CSE1L: variants seen among roughly 807,000 people sequenced by gnomAD.
The protein encoded by CSE1L is exportin-2.
CSE1L carries 24 observed loss-of-function variants against 120.4 expected under a neutral mutation model. The ratio of observed to expected loss-of-function variants is 0.20; its 90% CI spans 0.14 to 0.28. CSE1L has a LOEUF of 0.28. Among genes scored for constraint, CSE1L ranks in the 10% least tolerant of loss-of-function variants. CSE1L has a pLI of 1.00. For missense variants in CSE1L, 830 were observed against 1,145.2 expected, an observed-to-expected ratio of 0.72 and a Z score of 3.97; for synonymous variants, 402 against 398.3, an observed-to-expected ratio of 1.01 and a Z score of -0.11.
intron 6 of CSE1L, among the ~76,000 whole-genome samples, chr20:49,067,550 C>T (rs974516748): frequency 3.0e-4 from 46 of 152,140 alleles, no homozygotes; most frequent in African/African-American, 1.1e-3. Flanking sequence ...CATATCATTT[C>T]ACCCAAGTAT....
intron 6 of CSE1L, among the ~76,000 whole-genome samples, chr20:49,068,127 G>A (rs915082014): frequency 1.3e-5 from 2 of 151,816 alleles, no homozygotes; most frequent in Admixed American, 1.3e-4. Flanking sequence ...CAGATGAATT[G>A]TTTAATAAGA....
chr20:49,086,359 C>CT (rs10648977), intron 16 of CSE1L, among the ~76,000 whole-genome samples: 1,368 of 77,582 alleles, frequency 0.018, 93 homozygotes, highest in African/African-American at 0.052. Flanking sequence ...GTTTAATGTC[C>CT]TTTTTTTTTT....
At chr20:49,067,313 T>A in intron 6 of CSE1L, 33 bp downstream of exon 6, 1 of 1,349,728 alleles carries the variant, frequency 7.4e-7, no homozygotes, top group South Asian at 1.2e-5. Flanking sequence ...ATTTTTAAAT[T>A]AATATTTTAA....
At chr20:49,062,666 T>G (rs2091861280) in intron 2 of CSE1L, among the ~76,000 whole-genome samples, 1 of 152,012 alleles carries the variant, frequency 6.6e-6, no homozygotes, top group Non-Finnish European at 1.5e-5. Flanking sequence ...AGTGCCTTGG[T>G]TTTTTAAATG....
At chr20:49,060,954 A>C (rs1268418910) in intron 2 of CSE1L, among the ~76,000 whole-genome samples, 1 of 152,150 alleles carries the variant, frequency 6.6e-6, no homozygotes, top group Non-Finnish European at 1.5e-5. Flanking sequence ...CATGAGGAAG[A>C]GAATGTGTGT....
chr20:49,095,698 CTTA>C (rs774844699), intron 24 of CSE1L, among the ~76,000 whole-genome samples: 22 of 151,974 alleles, frequency 1.4e-4, no homozygotes, highest in Non-Finnish European at 2.6e-4. Context: ...TTTGTCAGCA[CTTA>C]TTATAGAGTT....
In CSE1L at chr20:49,072,304, T is replaced by C. The variant is rs1461943242; in HGVS notation, c.787T>C (p.Leu263=). Reference sequence around the variant, plus strand: ...ATGTGAGGATGAAGAGGAAGCCGGCTTATTGGAGCTCTTAAAATCCCAGAT... The same window carrying C: ...ATGTGAGGATGAAGAGGAAGCCGGCCTATTGGAGCTCTTAAAATCCCAGAT... ...LQTDDEEEAG[L]LELLKSQICD... The change falls in exon 9 of 25, where the codon TTA becomes CTA. Residue 263 remains leucine (L), a synonymous_variant. Transcript: ENST00000262982. The C allele has an allele frequency of 1.2e-6, 2 of 1,614,088 alleles. No individual in the cohort carries two copies. The highest frequency in any genetic ancestry group is 3.3e-5 in the Admixed American group (2 of 60,004).
chr20:49,061,707 G>A (rs995982087), intron 2 of CSE1L, among the ~76,000 whole-genome samples: 15 of 151,554 alleles, frequency 9.9e-5, no homozygotes, highest in Non-Finnish European at 1.3e-4. Context: ...GTTTCACCAG[G>A]TTAGTCAGGA....
In CSE1L at chr20:49,058,543, G is replaced by C; in HGVS notation, c.80G>C (p.Arg27Pro). 6.2e-7 allele frequency: 1 copy of C among 1,612,636 alleles called. No individual in the cohort carries two copies. Among genetic ancestry groups the C allele is most frequent in the Middle Eastern group, 1.7e-4 (1 of 6,056 alleles). The change falls in exon 2 of 25, where the codon CGT becomes CCT. Residue 27 changes from arginine (R) to proline (P), a missense_variant. Coordinates refer to ENST00000262982, the MANE Select transcript of CSE1L (RefSeq NM_001316.4). ...CTTGATCCTGATCCTGCCATCCGACGTCCAGGTAAAGAAAATAAACGTTTT... is the reference window on the plus strand; with the variant it reads ...CTTGATCCTGATCCTGCCATCCGACCTCCAGGTAAAGAAAATAAACGTTTT... Reference protein sequence around the residue: ...KTLDPDPAIRRPAEKFLESVE... With the variant: ...KTLDPDPAIRPPAEKFLESVE...
At chr20:49,081,138 C>T (rs1204648772) in intron 14 of CSE1L, among the ~76,000 whole-genome samples, 1 of 151,976 alleles carries the variant, frequency 6.6e-6, no homozygotes, top group Non-Finnish European at 1.5e-5. Context: ...TGCCTGCCAC[C>T]ATACCCAGCT....
intron 7 of CSE1L, 127 bp downstream of exon 7, chr20:49,068,949 AT>A: frequency 7.6e-6 from 5 of 657,154 alleles, no homozygotes; most frequent in Non-Finnish European, 1.3e-5. Context: ...TTCTGACTCT[AT>A]TTATCTATAG....
chr20:49,059,274 T>G (rs1339923762), intron 2 of CSE1L, among the ~76,000 whole-genome samples: 1 of 152,206 alleles, frequency 6.6e-6, no homozygotes, highest in Non-Finnish European at 1.5e-5. Context: ...TTGATTTAAC[T>G]AATATATTTT....
chr20:49,077,145 CT>C, intron 13 of CSE1L, 81 bp downstream of exon 13: 3 of 636,748 alleles, frequency 4.7e-6, no homozygotes, highest in South Asian at 2.7e-5. Context: ...TCCTTGTTCC[CT>C]TTTGTTCTTT....
intron 15 of CSE1L, among the ~76,000 whole-genome samples, chr20:49,084,789 G>A (rs778721274): frequency 2.0e-5 from 3 of 152,104 alleles, no homozygotes; most frequent in Non-Finnish European, 2.9e-5. Flanking sequence ...GGTAAGAGAT[G>A]GAAAACAGTT....
intron 10 of CSE1L, among the ~76,000 whole-genome samples, chr20:49,074,290 T>C (rs1403885915): frequency 6.7e-6 from 1 of 150,260 alleles, no homozygotes; most frequent in African/African-American, 2.5e-5. Flanking sequence ...CAGGCTGGTC[T>C]CAAACTCCTG....
chr20:49,065,168 AAAG>A (rs1307145243), intron 3 of CSE1L, among the ~76,000 whole-genome samples: 2 of 151,586 alleles, frequency 1.3e-5, no homozygotes, highest in East Asian at 1.9e-4. Flanking sequence ...AAAAAAAAAA[AAAG>A]AATAAAAAAA....
chr20:49,075,448 T>C lies in CSE1L; in HGVS notation c.1263T>C (p.Ser421=). ...SMLQEYAKNP[S]VNWKHKDAAI... ...TGCAGGAATACGCAAAAAATCCATCTGTCAACTGGAAACACAAAGATGCAG... is the reference window on the plus strand; with the variant it reads ...TGCAGGAATACGCAAAAAATCCATCCGTCAACTGGAAACACAAAGATGCAG... The change falls in exon 12 of 25, where the codon TCT becomes TCC. Residue 421 remains serine, a synonymous_variant. Coordinates refer to ENST00000262982, the MANE Select transcript of CSE1L (RefSeq NM_001316.4). 1.9e-6 allele frequency: 3 copies of C among 1,614,192 alleles called. No homozygotes were observed. The highest frequency in any genetic ancestry group is 2.5e-6 in the Non-Finnish European group (3 of 1,180,028).
At chr20:49,071,189 G>T (rs1234028768) in intron 8 of CSE1L, among the ~76,000 whole-genome samples, 1 of 152,126 alleles carries the variant, frequency 6.6e-6, no homozygotes, top group Admixed American at 6.6e-5. Flanking sequence ...TTTTAAGAGT[G>T]GGGTACAGAA....
rs2145750062 is a variant in CSE1L, at chr20:49,087,994, T to C, written c.1724-15T>C. The C allele has an allele frequency of 6.5e-7, 1 of 1,545,702 alleles. No individual in the cohort carries two copies. The highest frequency in any genetic ancestry group is 2.2e-5 in the East Asian group (1 of 44,510). Reference sequence around the variant, plus strand: ...ACTAAACTCTATTTGTTTTTGCTGTTTTTGTATTTTACAGCTATCATGAGA... The same window carrying C: ...ACTAAACTCTATTTGTTTTTGCTGTCTTTGTATTTTACAGCTATCATGAGA... On this transcript the variant is annotated splice_polypyrimidine_tract_variant and intron_variant, in intron 16 of 24. Transcript: ENST00000262982.
Sources: allele counts gnomAD v4.1 joint callset (sites outside exome capture counted in the v4.1 genomes callset), GRCh38; gene constraint gnomAD v4.1.1; transcripts MANE v1.5; gene names NCBI Gene and HGNC (gene_info 2026-07-23, HGNC 2026-07-21).